Variants in LEPR observed in about 807,000 individuals in gnomAD.
LEPR encodes leptin receptor, also known as OB receptor.
Under a neutral mutation model 114.7 loss-of-function variants are expected in LEPR, and 56 were observed. That is an observed-to-expected ratio of 0.49 (90% CI 0.39 to 0.61). The LOEUF (loss-of-function observed/expected upper bound fraction) is 0.61, where lower values mean the gene tolerates loss of function less well. LEPR is among the 20% of genes least tolerant of loss of function. LEPR has a pLI of 0.00. For synonymous variants in LEPR, 443 were observed against 461.4 expected (o/e 0.96, Z 0.51); for missense variants, 1,202 against 1,352.9 (o/e 0.89, Z 1.75).
chr1:65,542,527 A>G (rs1306519124), intron 2 of LEPR, among the ~76,000 whole-genome samples: 1 of 151,040 alleles, frequency 6.6e-6, no homozygotes, highest in Admixed American at 6.6e-5. Flanking sequence ...GGTTTGTTAC[A>G]TAGGTATACA....
intron 2 of LEPR, among the ~76,000 whole-genome samples, chr1:65,556,375 T>C (rs1046034568): frequency 1.3e-5 from 2 of 152,136 alleles, no homozygotes; most frequent in African/African-American, 4.8e-5. Context: ...CACCTCTTCA[T>C]AGTGTGATGT....
chr1:65,566,674 GCTTT>G (rs1653785122), intron 3 of LEPR, among the ~76,000 whole-genome samples: 1 of 152,152 alleles, frequency 6.6e-6, no homozygotes, highest in South Asian at 2.1e-4. Context: ...TGTTTATCTA[GCTTT>G]CTTTAACAAA....
chr1:65,592,973 C>G, intron 6 of LEPR, 108 bp downstream of exon 6: 1 of 1,241,850 alleles, frequency 8.1e-7, no homozygotes, highest in Non-Finnish European at 1.1e-6. Context: ...TTGCTTAACA[C>G]TGTAATGATG....
chr1:65,444,438 CTTT>C (rs1265991178), intron 2 of LEPR, among the ~76,000 whole-genome samples: 1 of 152,138 alleles, frequency 6.6e-6, no homozygotes, highest in Non-Finnish European at 1.5e-5. Context: ...TCTGGCCCTT[CTTT>C]GATTCTTCGA....
At chr1:65,591,063 TA>T (rs1655662781) in intron 5 of LEPR, among the ~76,000 whole-genome samples, 1 of 152,124 alleles carries the variant, frequency 6.6e-6, no homozygotes, top group South Asian at 2.1e-4. Context: ...TTCATGTACT[TA>T]AAAAATCCTT....
At chr1:65,600,502 C>A (rs1656375712) in intron 8 of LEPR, among the ~76,000 whole-genome samples, 1 of 151,996 alleles carries the variant, frequency 6.6e-6, no homozygotes, top group Non-Finnish European at 1.5e-5. Context: ...AGGGTAATCC[C>A]AAGATATGTG....
In LEPR at chr1:65,517,667, G is replaced by A. The variant is rs12029311; in HGVS notation, c.-20-47879G>A. Among the ~76,000 whole-genome samples, 3,453 of 152,174 alleles carry A rather than the reference G, an allele frequency of 0.023. 232 individuals are homozygous for A. In the East Asian group the frequency reaches 0.24, roughly 10 times the overall value. On this transcript the variant is annotated intron_variant, in intron 2 of 19. Coordinates refer to ENST00000349533, the MANE Select transcript of LEPR (RefSeq NM_002303.6). Reference sequence around the variant, plus strand: ...GTTGTAGCTTTGAATAATAGTCTTCGATGTGGTAGGGGCCTTAATCACCAT... The same window carrying A: ...GTTGTAGCTTTGAATAATAGTCTTCAATGTGGTAGGGGCCTTAATCACCAT...
At chr1:65,621,271 A>C (rs922867293) in intron 17 of LEPR, 82 bp from the exon 18 acceptor site, 2 of 1,169,252 alleles carry the variant, frequency 1.7e-6, no homozygotes, top group Non-Finnish European at 2.5e-6. Flanking sequence ...AATTCAGAAA[A>C]TGTCTACTAT....
Position 65,570,514 on chromosome 1 carries a change from A to G in LEPR, c.82A>G (p.Ile28Val), listed in dbSNP as rs369475236. ...VITAFNLSYPITPWRFKLSCM... is the reference protein window; with the variant it reads ...VITAFNLSYPVTPWRFKLSCM... The stretch of plus-strand genomic sequence containing the variant: ...AACTGCGTTTAACTTGTCATATCCA[A>G]TTACTCCTTGGAGATTTAAGTTGTC... The change falls in exon 4 of 20, where the codon ATT becomes GTT. Residue 28 changes from isoleucine to valine, a missense_variant. By Grantham distance (29) the Ile-to-Val change is conservative. Coordinates refer to ENST00000349533, the MANE Select transcript of LEPR (RefSeq NM_002303.6). The G allele has an allele frequency of 1.5e-5, 24 of 1,613,792 alleles. No individual in the cohort carries two copies. The African/African-American group carries it at 2.0e-4, about 13-fold the overall frequency.
intron 2 of LEPR, among the ~76,000 whole-genome samples, chr1:65,543,104 C>T (rs1002601522): frequency 2.6e-5 from 4 of 151,986 alleles, no homozygotes; most frequent in Admixed American, 6.5e-5. Context: ...CCTATTTCTC[C>T]GCATCCTCTC....
At chr1:65,604,944 G>C in intron 10 of LEPR, 94 bp from the exon 11 acceptor site, 6 of 1,495,522 alleles carry the variant, frequency 4.0e-6, no homozygotes, top group Non-Finnish European at 5.4e-6. Context: ...AAAGGTTGGG[G>C]ACTGCTGTTT....
At position 65,618,145 on chromosome 1, in the gene LEPR, T is replaced by C. The variant is rs1180575326; in HGVS notation, c.2394T>C (p.His798=). 2 of 1,603,832 alleles carry C rather than the reference T, an allele frequency of 1.2e-6. No individual in the cohort carries two copies. The highest frequency in any genetic ancestry group is 2.2e-5 in the South Asian group (2 of 90,448). The part of the protein sequence containing the change: ...ISSSVKKYYI[H]DHFIPIEKYQ... Reference sequence around the variant, plus strand: ...CATCTGTTAAGAAGTATTATATCCATGGTAAGTTTACTATACTTTAGTAAG... The same window carrying C: ...CATCTGTTAAGAAGTATTATATCCACGGTAAGTTTACTATACTTTAGTAAG... The change falls in exon 16 of 20, where the codon CAT becomes CAC. Residue 798 remains histidine (H), a splice_region_variant and synonymous_variant. Transcript: ENST00000349533.
intron 10 of LEPR, among the ~76,000 whole-genome samples, chr1:65,603,789 C>A (rs538050721): frequency 4.6e-4 from 69 of 151,224 alleles, no homozygotes; most frequent in Non-Finnish European, 7.4e-4. Context: ...CCTAGGGAAG[C>A]CAAAAGATTG....
At position 65,572,308 on chromosome 1, in the gene LEPR, TTTTTTTTTTA is replaced by T. The variant is rs1320638173; in HGVS notation, c.371-17_371-8del. On this transcript the variant is annotated splice_region_variant and splice_polypyrimidine_tract_variant and intron_variant, in intron 4 of 19. Transcript: ENST00000349533. The stretch of plus-strand genomic sequence containing the variant: ...TGTAGTTGTTTTTTTTTTTTTTTTT[TTTTTTTTTTA>T]AATTCAGATGCAAACTGGAACATAC... 6.9e-7 allele frequency: 1 copy of T among 1,453,266 alleles called. No individual in the cohort carries two copies. Among genetic ancestry groups the T allele is most frequent in the African/African-American group, 1.5e-5 (1 of 66,390 alleles). 90.0% of individuals were successfully genotyped at this position (1,453,266 alleles called of 1,614,324 possible). A position where few individuals can be genotyped will look rare whatever the true frequency, so the allele number is the denominator to read the frequency against.
chr1:65,616,576 C>G (rs1219551145), intron 15 of LEPR, among the ~76,000 whole-genome samples: 1 of 151,446 alleles, frequency 6.6e-6, no homozygotes, highest in Non-Finnish European at 1.5e-5. Context: ...CATACATACA[C>G]ACATATAAAT....
intron 14 of LEPR, among the ~76,000 whole-genome samples, chr1:65,611,330 G>A (rs376111335): frequency 1.6e-4 from 25 of 152,238 alleles, no homozygotes; most frequent in East Asian, 1.5e-3. Context: ...GGGAATTCAG[G>A]ACCTGTATTC....
At chr1:65,435,613 C>T (rs1218175538) in intron 2 of LEPR, 12 of 799,168 alleles carry the variant, frequency 1.5e-5, no homozygotes, top group African/African-American at 5.6e-5. Flanking sequence ...ATGATCCGCC[C>T]GCCTCTGCCT....
chr1:65,478,921 A>C (rs986969787), intron 2 of LEPR, among the ~76,000 whole-genome samples: 1 of 152,194 alleles, frequency 6.6e-6, no homozygotes, highest in African/African-American at 2.4e-5. Flanking sequence ...AGAAGAAAAA[A>C]ATCACACCCT....
In LEPR at chr1:65,592,568, A is replaced by C. The variant is rs2100897807; in HGVS notation, c.495-89A>C. The C allele has an allele frequency of 2.8e-6, 4 of 1,409,530 alleles. No homozygotes were observed. In the East Asian group the frequency reaches 7.1e-5, roughly 25 times the overall value. 87.3% of individuals were successfully genotyped at this position (1,409,530 alleles called of 1,614,324 possible). On this transcript the variant is annotated intron_variant, in intron 5 of 19. Coordinates refer to ENST00000349533, the MANE Select transcript of LEPR (RefSeq NM_002303.6). The stretch of plus-strand genomic sequence containing the variant: ...TTAAGCTGGGTGTCCCAAATAGTTT[A>C]CTTCAATTAGTATTTAGTATCCTGC...
Sources: allele counts gnomAD v4.1 joint callset (sites outside exome capture counted in the v4.1 genomes callset), GRCh38; gene constraint gnomAD v4.1.1; transcripts MANE v1.5; gene names NCBI Gene and HGNC (gene_info 2026-07-23, HGNC 2026-07-21).